The following ZSCAN30 variants were observed in gnomAD, a reference collection of about 807,000 sequenced individuals.
The protein encoded by ZSCAN30 is zinc finger and SCAN domain containing 30, also known as zinc finger and SCAN domain-containing protein 30.
ZSCAN30 carries 37 observed loss-of-function variants against 44.3 expected under a neutral mutation model. The observed-to-expected ratio is 0.84, with a 90% CI of 0.64 to 1.10. The LOEUF is 1.10. Among genes scored for constraint, ZSCAN30 ranks in the 50% least tolerant of loss-of-function variants. The pLI is 0.00. For missense variants in ZSCAN30, 549 were observed against 582.6 expected (o/e 0.94, Z 0.59); for synonymous variants, 181 against 204.6 (o/e 0.88, Z 0.98).
chr18:35,264,884 C>T (rs370378928), intron 1 of ZSCAN30, among the ~76,000 whole-genome samples: 9 of 152,212 alleles, frequency 5.9e-5, no homozygotes, highest in African/African-American at 2.2e-4. Context: ...CGGTGGCTCA[C>T]GCCTGTAATC....
chr18:35,288,087 G>T (rs1417388117), intron 1 of ZSCAN30, among the ~76,000 whole-genome samples: 1 of 151,920 alleles, frequency 6.6e-6, no homozygotes, highest in Non-Finnish European at 1.5e-5. Flanking sequence ...TGCCCAGGCT[G>T]GTCTCCAGCT....
At chr18:35,287,778 C>T (rs1598660998) in intron 1 of ZSCAN30, among the ~76,000 whole-genome samples, 1 of 151,846 alleles carries the variant, frequency 6.6e-6, no homozygotes, top group South Asian at 2.1e-4. Context: ...ATAAACTGTG[C>T]TTCATCAAAA....
chr18:35,257,492 C>T (rs2043873013), intron 3 of ZSCAN30: 1 of 185,660 alleles, frequency 5.4e-6, no homozygotes, highest in Admixed American at 5.6e-5. Context: ...GCTCATTTGC[C>T]CCTTCCACCA....
Position 35,264,401 on chromosome 18 carries a change from G to A in ZSCAN30, c.-49C>T. On this transcript the variant is annotated 5_prime_UTR_variant, in exon 2 of 4. Transcript: ENST00000333206. ...GGCTGCCCAGGTGAGGCAGGGAGGAGATGGAGATTTGCGTCTGAGAGATTC... is the reference window on the plus strand; with the variant it reads ...GGCTGCCCAGGTGAGGCAGGGAGGAAATGGAGATTTGCGTCTGAGAGATTC... 3 of 1,566,598 alleles carry A rather than the reference G, an allele frequency of 1.9e-6. No individual in the cohort carries two copies. The African/African-American group carries it at 4.1e-5, about 21-fold the overall frequency.
intron 1 of ZSCAN30, chr18:35,269,302 G>A (rs2044224201): frequency 6.6e-6 from 1 of 152,092 alleles, no homozygotes; most frequent in Non-Finnish European, 1.5e-5. Context: ...GCATACCAAG[G>A]CATTCCCCCA....
chr18:35,275,982 A>C (rs1246089386), intron 1 of ZSCAN30, among the ~76,000 whole-genome samples: 1 of 152,172 alleles, frequency 6.6e-6, no homozygotes, highest in Non-Finnish European at 1.5e-5. Context: ...TTTTAAACTG[A>C]TGCTCAGATG....
chr18:35,258,985 A>C (rs2043943169), intron 3 of ZSCAN30: 1 of 153,560 alleles, frequency 6.5e-6, no homozygotes, highest in Admixed American at 6.6e-5. Flanking sequence ...TGGATTATGA[A>C]TAAATTAAAG....
chr18:35,262,138 G>T (rs1203304387), intron 3 of ZSCAN30: 1 of 152,130 alleles, frequency 6.6e-6, no homozygotes, highest in Non-Finnish European at 1.5e-5. Context: ...AACTAAGCCC[G>T]TGAAACTCAG....
chr18:35,254,967 G>T (rs535960974), intron 3 of ZSCAN30: 1 of 154,206 alleles, frequency 6.5e-6, no homozygotes, highest in African/African-American at 2.4e-5. Context: ...CAGACCCAGA[G>T]AAAAGAAATA....
At chr18:35,261,374 T>G (rs1238507411) in intron 3 of ZSCAN30, 2 of 152,194 alleles carry the variant, frequency 1.3e-5, no homozygotes, top group African/African-American at 4.8e-5. Context: ...AAGTATTTTT[T>G]TCTAATTCTG....
chr18:35,279,806 A>G (rs1199991824), intron 1 of ZSCAN30, among the ~76,000 whole-genome samples: 1 of 152,200 alleles, frequency 6.6e-6, no homozygotes. Flanking sequence ...ATACTATCAC[A>G]TGAGGAGTTA....
At chr18:35,275,487 C>A (rs1443595204) in intron 1 of ZSCAN30, among the ~76,000 whole-genome samples, 1 of 152,200 alleles carries the variant, frequency 6.6e-6, no homozygotes, top group Non-Finnish European at 1.5e-5. Flanking sequence ...ATTGGAATGT[C>A]CTCAGTTTCC....
chr18:35,268,964 T>C (rs1249914697), intron 1 of ZSCAN30: 1 of 152,232 alleles, frequency 6.6e-6, no homozygotes, highest in Non-Finnish European at 1.5e-5. Flanking sequence ...TGAAGTAGTT[T>C]GTCTCAGAAA....
chr18:35,254,576 CA>C, intron 3 of ZSCAN30, 195 bp from the exon 4 acceptor site: 2 of 903,176 alleles, frequency 2.2e-6, no homozygotes, highest in Admixed American at 5.3e-5. Flanking sequence ...GTAAGGTAGA[CA>C]AAGAAATGAA....
chr18:35,288,075 G>A (rs906911179), intron 1 of ZSCAN30, among the ~76,000 whole-genome samples: 12 of 151,968 alleles, frequency 7.9e-5, no homozygotes, highest in African/African-American at 1.5e-4. Flanking sequence ...GTGTCACCGC[G>A]TTGCCCAGGC....
intron 3 of ZSCAN30, 141 bp downstream of exon 3, chr18:35,263,372 A>C: frequency 9.6e-7 from 1 of 1,040,114 alleles, no homozygotes; most frequent in South Asian, 1.7e-5. Context: ...GCAGAGCCTA[A>C]GGAAGAATAT....
chr18:35,252,749 C>T lies in ZSCAN30; in HGVS notation c.*701G>A, dbSNP rs1199278045. 6.6e-6 allele frequency: 1 copy of T among 152,174 alleles called. No homozygotes were observed. Among genetic ancestry groups the T allele is most frequent in the African/African-American group, 2.4e-5 (1 of 41,438 alleles). 9.4% of individuals were successfully genotyped at this position (152,174 alleles called of 1,614,324 possible). A position where few individuals can be genotyped will look rare whatever the true frequency, so the allele number is the denominator to read the frequency against. ...CACTTACCACACTTTACTGTAATTA[C>T]TGTTTAGTATATATGCATATCCTAT... On this transcript the variant is annotated 3_prime_UTR_variant, in exon 4 of 4. Coordinates refer to ENST00000333206, the MANE Select transcript of ZSCAN30 (RefSeq NM_001112734.4).
intron 3 of ZSCAN30, 190 bp from the exon 4 acceptor site, chr18:35,254,571 G>A: frequency 1.0e-6 from 1 of 961,886 alleles, no homozygotes; most frequent in Non-Finnish European, 1.5e-6. Flanking sequence ...GGAGAGTAAG[G>A]TAGACAAAGA....
intron 1 of ZSCAN30, chr18:35,269,951 CT>C (rs1230228719): frequency 6.6e-6 from 1 of 151,934 alleles, no homozygotes; most frequent in East Asian, 1.9e-4. Context: ...TAGCAACACA[CT>C]TTTTAATGTA....
Sources: allele counts gnomAD v4.1 joint callset (sites outside exome capture counted in the v4.1 genomes callset), GRCh38; gene constraint gnomAD v4.1.1; transcripts MANE v1.5; gene names NCBI Gene and HGNC (gene_info 2026-07-23, HGNC 2026-07-21).